The following TOR3A variants were observed in gnomAD, a reference collection of about 807,000 sequenced individuals.
TOR3A encodes torsin-3A.
Under a neutral mutation model 42.1 loss-of-function variants are expected in TOR3A, and 44 were observed. That is an observed-to-expected ratio of 1.04 (90% CI 0.82 to 1.34). The LOEUF is 1.34. Among genes scored for constraint, TOR3A ranks in the 40% most tolerant of loss-of-function variants. The probability of loss-of-function intolerance (pLI) is 0.00; values close to 1 mark genes in which losing one functional copy is unlikely to be tolerated. For missense variants in TOR3A, 521 were observed against 507.6 expected (o/e 1.03, Z -0.25); for synonymous variants, 227 against 213.2 (o/e 1.06, Z -0.57).
intron 4 of TOR3A, among the ~76,000 whole-genome samples, chr1:179,089,321 CAAA>C (rs11311033): frequency 3.8e-5 from 5 of 130,758 alleles, no homozygotes; most frequent in Non-Finnish European, 3.3e-5. Context: ...GACTCCATCT[CAAA>C]AAAAAAAAAA....
intron 5 of TOR3A, among the ~76,000 whole-genome samples, chr1:179,094,419 ATAG>A (rs541939864): frequency 2.7e-3 from 413 of 152,318 alleles, no homozygotes; most frequent in Admixed American, 4.3e-3. Context: ...ATGCTTGGAA[ATAG>A]TAGTTTGCAC....
chr1:179,087,993 A>T lies in TOR3A; in HGVS notation c.722A>T (p.His241Leu). ...LFIFDEAEKL[H>L]PGLLEVLGPH... ...ATCTTCGATGAAGCGGAGAAGCTGC[A>T]CCCAGGGCTGCTGGAGGTCCTTGGG... Residue 241 changes from histidine to leucine, a missense_variant, in exon 4 of 6, where the codon CAC (histidine) becomes CTC (leucine). Transcript: ENST00000367627. 6.2e-7 allele frequency: 1 copy of T among 1,613,638 alleles called. No individual in the cohort carries two copies. Among genetic ancestry groups the T allele is most frequent in the Non-Finnish European group, 8.5e-7 (1 of 1,179,792 alleles).
chr1:179,088,164 G>C, intron 4 of TOR3A, 75 bp downstream of exon 4: 2 of 1,427,894 alleles, frequency 1.4e-6, no homozygotes, highest in South Asian at 2.9e-5. Context: ...GCTTCCACAC[G>C]CCCCCAGGTT....
chr1:179,084,998 G>A (rs1169207593), intron 2 of TOR3A, among the ~76,000 whole-genome samples: 1 of 152,240 alleles, frequency 6.6e-6, no homozygotes, highest in African/African-American at 2.4e-5. Flanking sequence ...AGGGATGGGA[G>A]CAGCCTCAGG....
At position 179,082,149 on chromosome 1, in the gene TOR3A, C is replaced by T; in HGVS notation, c.21C>T (p.Arg7=). 7 of 1,506,866 alleles carry T rather than the reference C, an allele frequency of 4.6e-6. No individual in the cohort carries two copies. Among genetic ancestry groups the T allele is most frequent in the Non-Finnish European group, 6.2e-6 (7 of 1,138,050 alleles). 93.3% of individuals were successfully genotyped at this position (1,506,866 alleles called of 1,614,324 possible). MLRGPW[R]QLWLFFLLLL... Reference sequence around the variant, plus strand: ...CGGCCATGCTTCGCGGTCCGTGGCGCCAGCTTTGGCTCTTTTTCCTGCTGC... The same window carrying T: ...CGGCCATGCTTCGCGGTCCGTGGCGTCAGCTTTGGCTCTTTTTCCTGCTGC... The change falls in exon 1 of 6, where the codon CGC becomes CGT. Residue 7 remains arginine, a synonymous_variant. Coordinates refer to ENST00000367627, the MANE Select transcript of TOR3A (RefSeq NM_022371.4).
chr1:179,085,709 T>TA lies in TOR3A; in HGVS notation c.456dup (p.Glu153ArgfsTer40). ...GTCCTAAGAACAGTGAGGGGCTACTTAGAGACGCCCCAGCCAGAAAAGGCC... is the reference window on the plus strand; with the variant it reads ...GTCCTAAGAACAGTGAGGGGCTACTTAAGAGACGCCCCAGCCAGAAAAGGCC... On this transcript the variant is annotated frameshift_variant, in exon 3 of 6. Transcript: ENST00000367627. LOFTEE classifies it high-confidence loss of function. 1 of 1,614,214 alleles carries TA rather than the reference T, an allele frequency of 6.2e-7. No homozygotes were observed.
At position 179,087,933 on chromosome 1, in the gene TOR3A, G is replaced by C. The variant is rs370647290; in HGVS notation, c.662G>C (p.Arg221Pro). ...CAGGAGCAGCTGATGAGCCAGATCCGGGAGACGCAGCAGCTCTGCCACCAG... is the reference window on the plus strand; with the variant it reads ...CAGGAGCAGCTGATGAGCCAGATCCCGGAGACGCAGCAGCTCTGCCACCAG... ...LYKEQLMSQI[R>P]ETQQLCHQTL... is the part of the protein sequence containing the mutation. The change falls in exon 4 of 6, where the codon CGG becomes CCG. Residue 221 changes from arginine to proline, a missense_variant. By Grantham distance (103) the Arg-to-Pro change is moderately radical. Transcript: ENST00000367627. 5.1e-5 allele frequency: 81 copies of C among 1,599,056 alleles called. No individual in the cohort carries two copies. The highest frequency in any genetic ancestry group is 6.6e-5 in the Non-Finnish European group (77 of 1,172,926).
In TOR3A at chr1:179,095,719, G is replaced by C; in HGVS notation, c.*501G>C. The C allele has an allele frequency of 2.0e-6, 2 of 992,516 alleles. No individual in the cohort carries two copies. Among genetic ancestry groups the C allele is most frequent in the South Asian group, 9.1e-5 (2 of 21,954 alleles). 61.5% of individuals were successfully genotyped at this position (992,516 alleles called of 1,614,324 possible). ...AACGAAGTTCTGTGACCCAGGGGTG[G>C]AGAATACACTCTAGGTTTGCAGGCT... On this transcript the variant is annotated 3_prime_UTR_variant, in exon 6 of 6. Coordinates refer to ENST00000367627, the MANE Select transcript of TOR3A (RefSeq NM_022371.4).
At position 179,095,825 on chromosome 1, in the gene TOR3A, A is replaced by G; in HGVS notation, c.*607A>G. ...CGAATCAGCCAAGAGCCTGAGGCTG[A>G]AGGGAAAAGTACACAGAGGAAGATA... On this transcript the variant is annotated 3_prime_UTR_variant, in exon 6 of 6. Coordinates refer to ENST00000367627, the MANE Select transcript of TOR3A (RefSeq NM_022371.4). 1 of 986,898 alleles carries G rather than the reference A, an allele frequency of 1.0e-6. No homozygotes were observed. The highest frequency in any genetic ancestry group is 1.2e-6 in the Non-Finnish European group (1 of 831,130). 61.1% of individuals were successfully genotyped at this position (986,898 alleles called of 1,614,324 possible).
In TOR3A at chr1:179,085,848, C is replaced by A; in HGVS notation, c.594C>A (p.Ile198=). ...TGAGTGACTGTGTCAGGATGTTCATCGCCACGTTCCACTTTCCTCACCCCA... is the reference window on the plus strand; with the variant it reads ...TGAGTGACTGTGTCAGGATGTTCATAGCCACGTTCCACTTTCCTCACCCCA... The part of the protein sequence containing the change: ...GLMSDCVRMF[I]ATFHFPHPKY... Residue 198 remains isoleucine, a synonymous_variant, in exon 3 of 6, where the codon ATC becomes ATA. Transcript: ENST00000367627. The A allele has an allele frequency of 6.2e-7, 1 of 1,614,120 alleles. No individual in the cohort carries two copies. Among genetic ancestry groups the A allele is most frequent in the Non-Finnish European group, 8.5e-7 (1 of 1,180,040 alleles).
intron 4 of TOR3A, among the ~76,000 whole-genome samples, chr1:179,092,444 G>C (rs898013616): frequency 6.6e-6 from 1 of 152,166 alleles, no homozygotes; most frequent in Non-Finnish European, 1.5e-5. Flanking sequence ...TGCAAGGGAG[G>C]CTAGGCCTAG....
intron 4 of TOR3A, among the ~76,000 whole-genome samples, chr1:179,091,373 G>C (rs928278075): frequency 1.3e-5 from 2 of 152,194 alleles, no homozygotes; most frequent in East Asian, 3.9e-4. Flanking sequence ...TAGAACGCTG[G>C]TGCCAGAGTG....
chr1:179,088,369 G>A (rs11589113), intron 4 of TOR3A: 20,008 of 196,774 alleles, frequency 0.1, 1,121 homozygotes, highest in African/African-American at 0.15. Flanking sequence ...TTAGCTGGGC[G>A]TGGTGACATG....
At chr1:179,093,355 C>G (rs530728895) in intron 4 of TOR3A, among the ~76,000 whole-genome samples, 6 of 152,176 alleles carry the variant, frequency 3.9e-5, no homozygotes, top group Admixed American at 3.9e-4. Flanking sequence ...AACACTCAAA[C>G]GTGTGTAAAA....
At position 179,087,959 on chromosome 1, in the gene TOR3A, A is replaced by G. The variant is rs1210380009; in HGVS notation, c.688A>G (p.Thr230Ala). ...IRETQQLCHQ[T>A]LFIFDEAEKL... ...GGAGACGCAGCAGCTCTGCCACCAG[A>G]CCCTGTTCATCTTCGATGAAGCGGA... Residue 230 changes from threonine to alanine, a missense_variant, in exon 4 of 6, where the codon ACC becomes GCC. Physicochemically the swap from Thr to Ala is moderately conservative, Grantham distance 58. Coordinates refer to ENST00000367627, the MANE Select transcript of TOR3A (RefSeq NM_022371.4). The G allele has an allele frequency of 3.1e-6, 5 of 1,611,526 alleles. No homozygotes were observed. The highest frequency in any genetic ancestry group is 4.2e-6 in the Non-Finnish European group (5 of 1,178,898).
intron 2 of TOR3A, 49 bp from the exon 3 acceptor site, chr1:179,085,579 A>T: frequency 6.3e-7 from 1 of 1,593,762 alleles, no homozygotes; most frequent in Non-Finnish European, 8.6e-7. Flanking sequence ...GTTGTGGTGG[A>T]TGGGCCTGTG....
At chr1:179,084,306 A>G (rs750880466) in intron 2 of TOR3A, among the ~76,000 whole-genome samples, 4 of 152,170 alleles carry the variant, frequency 2.6e-5, no homozygotes, top group Non-Finnish European at 4.4e-5. Flanking sequence ...GTCTCACTGC[A>G]AACTCTGCCT....
chr1:179,092,593 CT>C (rs959384772), intron 4 of TOR3A, among the ~76,000 whole-genome samples: 2 of 145,442 alleles, frequency 1.4e-5, no homozygotes, highest in Admixed American at 6.8e-5. Flanking sequence ...CCGGGCACAC[CT>C]GTCATCCTAG....
chr1:179,082,099 G>C lies in TOR3A; in HGVS notation c.-30G>C. On this transcript the variant is annotated 5_prime_UTR_variant, in exon 1 of 6. Transcript: ENST00000367627. ...TTAAGGGAGCCTGGCTAGGCCGGCAGCCGGATGGTCCCGCAGCTCGGGGCC... is the reference window on the plus strand; with the variant it reads ...TTAAGGGAGCCTGGCTAGGCCGGCACCCGGATGGTCCCGCAGCTCGGGGCC... 1 of 1,439,520 alleles carries C rather than the reference G, an allele frequency of 6.9e-7. No homozygotes were observed. The highest frequency in any genetic ancestry group is 2.8e-5 in the East Asian group (1 of 35,446). 89.2% of individuals were successfully genotyped at this position (1,439,520 alleles called of 1,614,324 possible).
Sources: gnomAD v4.1 joint callset for allele counts (sites outside exome capture counted in the v4.1 genomes callset) on GRCh38, gnomAD v4.1.1 for gene constraint, MANE v1.5 for transcripts, NCBI Gene and HGNC (gene_info 2026-07-23, HGNC 2026-07-21) for gene names.